POLK: variants seen among roughly 807,000 people sequenced by gnomAD.
POLK encodes DNA polymerase kappa, also known as polymerase (DNA directed) kappa.
In POLK, 76 loss-of-function variants were observed where a neutral mutation model predicts 94.0. That is an observed-to-expected ratio of 0.81 (90% CI 0.67 to 0.98). The LOEUF (loss-of-function observed/expected upper bound fraction) is 0.98, where lower values mean the gene tolerates loss of function less well. POLK is among the 50% of genes least tolerant of loss of function. The pLI, the probability that POLK is intolerant of heterozygous loss-of-function variation, is 0.00. For synonymous variants in POLK, 349 were observed against 325.4 expected, an observed-to-expected ratio of 1.07 and a Z score of -0.78; for missense variants, 954 against 1,010.1, an observed-to-expected ratio of 0.94 and a Z score of 0.75.
intron 10 of POLK, among the ~76,000 whole-genome samples, chr5:75,588,229 C>T (rs529474176): frequency 5.1e-4 from 77 of 152,114 alleles, no homozygotes; most frequent in Non-Finnish European, 8.5e-4. Flanking sequence ...AACTTTCTCC[C>T]CTTGGCTTTC....
In POLK at chr5:75,559,523, G is replaced by GTTTTTTT. The variant is rs775525619; in HGVS notation, c.255+6953_255+6959dup. Among the ~76,000 whole-genome samples, 140 of 54,678 alleles carry GTTTTTTT rather than the reference G, an allele frequency of 2.6e-3. 7 individuals carry two copies. Among genetic ancestry groups the GTTTTTTT allele is most frequent in the African/African-American group, 8.7e-3 (119 of 13,642 alleles). 35.9% of individuals were successfully genotyped at this position (54,678 alleles called of 152,430 possible). A position where few individuals can be genotyped will look rare whatever the true frequency, so the allele number is the denominator to read the frequency against. The stretch of plus-strand genomic sequence containing the variant: ...GGGGTTTGTTTTTTTGTTTTGTTTT[G>GTTTTTTT]TTTTTTTTTTTTTTTTTTTTTTTTT... On this transcript the variant is annotated intron_variant, in intron 3 of 14. Coordinates refer to ENST00000241436, the Ensembl canonical transcript of POLK.
upstream of POLK, chr5:75,511,111 C>T (rs774826913): frequency 6.4e-7 from 1 of 1,574,070 alleles, no homozygotes. Context: ...GGGTTGCTCA[C>T]CTTACTGAGG....
chr5:75,596,249 A>G (rs786205693), exon 13 of POLK: 1 of 1,598,332 alleles, frequency 6.3e-7, no homozygotes, highest in East Asian at 2.2e-5. Context: ...TTTCCCAATG[A>G]AGAGGACAGG....
intron 5 of POLK, among the ~76,000 whole-genome samples, chr5:75,575,302 C>T (rs5744646): frequency 0.012 from 1,872 of 152,290 alleles, 39 homozygotes; most frequent in African/African-American, 0.043. Flanking sequence ...GCCTCAGCCT[C>T]CTGAGTAGCT....
chr5:75,548,367 C>T (rs1770158077), intron 2 of POLK, among the ~76,000 whole-genome samples: 1 of 151,366 alleles, frequency 6.6e-6, no homozygotes, highest in Admixed American at 6.6e-5. Flanking sequence ...TTTGTTTGCT[C>T]CATTTTATGT....
chr5:75,608,057 G>A, the POLK span, among the ~76,000 whole-genome samples: 1 of 151,982 alleles, frequency 6.6e-6, no homozygotes, highest in Non-Finnish European at 1.5e-5. Context: ...AGACCTTTAG[G>A]GGAAAAACTT....
intron 2 of POLK, among the ~76,000 whole-genome samples, chr5:75,549,301 TA>T (rs1331019228): frequency 6.6e-6 from 1 of 152,126 alleles, no homozygotes; most frequent in African/African-American, 2.4e-5. Context: ...TACAATTTAT[TA>T]AATAGTCCAT....
At chr5:75,604,535 CA>C (rs1224571452), downstream of POLK, among the ~76,000 whole-genome samples, 1 of 152,134 alleles carries the variant, frequency 6.6e-6, no homozygotes, top group African/African-American at 2.4e-5. Context: ...CCATGATGCC[CA>C]GCTAAGTTTT....
At chr5:75,511,810 G>A (rs1227467611) in exon 1 of POLK, 4 of 1,551,522 alleles carry the variant, frequency 2.6e-6, no homozygotes, top group East Asian at 2.4e-5. Context: ...AGCGGAGAAA[G>A]GAGAGGGCGG....
Position 75,552,606 on chromosome 5 carries a change from G to GTT in POLK, c.255+16_255+17dup. 1 of 1,585,536 alleles carries GTT rather than the reference G, an allele frequency of 6.3e-7. No individual in the cohort carries two copies. Among genetic ancestry groups the GTT allele is most frequent in the Non-Finnish European group, 8.6e-7 (1 of 1,167,894 alleles). ...CACAATTACAGGTATTAATTAAATT[G>GTT]TTAAATAAAGTGGAAGCTGGTAGAA... is the stretch of plus-strand genomic sequence containing the variant. On this transcript the variant is annotated intron_variant, in intron 3 of 14. Transcript: ENST00000241436.
downstream of POLK, among the ~76,000 whole-genome samples, chr5:75,605,720 A>C (rs1773406624): frequency 6.6e-6 from 1 of 152,180 alleles, no homozygotes; most frequent in African/African-American, 2.4e-5. Flanking sequence ...AAGAAATAAT[A>C]CCTAAGATAG....
At chr5:75,521,324 G>A (rs2112536803) in intron 1 of POLK, among the ~76,000 whole-genome samples, 1 of 151,534 alleles carries the variant, frequency 6.6e-6, no homozygotes, top group East Asian at 1.9e-4. Flanking sequence ...TTTTAAAATA[G>A]CCTGCCTTCT....
rs1771728846 is a variant in POLK, at chr5:75,573,843, GACAA to G, written c.516_519del (p.Lys173ThrfsTer4). 4 of 1,613,360 alleles carry G rather than the reference GACAA, an allele frequency of 2.5e-6. No homozygotes were observed. The highest frequency in any genetic ancestry group is 3.4e-6 in the Non-Finnish European group (4 of 1,179,500). On this transcript the variant is annotated frameshift_variant, in exon 5 of 15. Transcript: ENST00000241436. LOFTEE classifies it high-confidence loss of function. ...ACTTATAATAGTGCCCCCCAACTTT[GACAA>G]ATACCGAGCTGTGAGTAAAGAGGTA...
chr5:75,609,583 C>T, the POLK span: 3 of 152,184 alleles, frequency 2.0e-5, no homozygotes, highest in African/African-American at 7.2e-5. Flanking sequence ...TACTTGTAAA[C>T]ATGCTACATA....
chr5:75,607,230 G>A, the POLK span, among the ~76,000 whole-genome samples: 1 of 152,052 alleles, frequency 6.6e-6, no homozygotes. Context: ...ACTTTGGGAG[G>A]CCAAGGCGGG....
chr5:75,554,450 CT>C (rs1561365849), intron 3 of POLK, among the ~76,000 whole-genome samples: 1 of 151,516 alleles, frequency 6.6e-6, no homozygotes, highest in East Asian at 1.9e-4. Context: ...AATCCAGTGA[CT>C]TTTTTAAAAA....
exon 1 of POLK, chr5:75,511,803 G>T (rs570834305): frequency 2.6e-6 from 4 of 1,551,398 alleles, no homozygotes; most frequent in Non-Finnish European, 3.5e-6. Context: ...CAGGAGGAGC[G>T]GAGAAAGGAG....
downstream of POLK, among the ~76,000 whole-genome samples, chr5:75,602,779 A>G (rs1260879681): frequency 6.6e-6 from 1 of 152,236 alleles, no homozygotes. Context: ...CTTTTTTAAT[A>G]TCAGTCTTTA....
chr5:75,524,903 G>C (rs947181495), intron 1 of POLK, among the ~76,000 whole-genome samples: 2 of 152,206 alleles, frequency 1.3e-5, no homozygotes, highest in Non-Finnish European at 2.9e-5. Flanking sequence ...CTGTATAATA[G>C]CTTCACCTGA....
Sources: gnomAD v4.1 joint callset for allele counts (sites outside exome capture counted in the v4.1 genomes callset) on GRCh38, gnomAD v4.1.1 for gene constraint, MANE v1.5 for transcripts, NCBI Gene and HGNC (gene_info 2026-07-23, HGNC 2026-07-21) for gene names.